The following ASB7 variants were observed in gnomAD, a reference collection of about 807,000 sequenced individuals.
ASB7 encodes ankyrin repeat and SOCS box protein 7.
Under a neutral mutation model 32.5 loss-of-function variants are expected in ASB7, and 4 were observed. The ratio of observed to expected loss-of-function variants is 0.12; its 90% CI spans 0.06 to 0.28. The LOEUF (loss-of-function observed/expected upper bound fraction) is 0.28. Among genes scored for constraint, ASB7 ranks in the 10% least tolerant of loss-of-function variants. ASB7 has a pLI of 1.00. For synonymous variants in ASB7, 172 were observed against 155.6 expected, an observed-to-expected ratio of 1.11 and a Z score of -0.78; for missense variants, 181 against 407.1, an observed-to-expected ratio of 0.44 and a Z score of 4.78.
At chr15:100,635,252 C>A (rs1367909423) in intron 5 of ASB7, among the ~76,000 whole-genome samples, 1 of 152,180 alleles carries the variant, frequency 6.6e-6, no homozygotes, top group Non-Finnish European at 1.5e-5. Context: ...CAATTACCAT[C>A]TAATAATTTC....
chr15:100,633,570 T>A (rs915863616), intron 5 of ASB7, among the ~76,000 whole-genome samples: 24 of 136,724 alleles, frequency 1.8e-4, no homozygotes, highest in African/African-American at 6.4e-4. Context: ...AGAGTGAAAC[T>A]CTCTCAAGAA....
intron 4 of ASB7, among the ~76,000 whole-genome samples, chr15:100,626,627 C>G (rs2141397988): frequency 6.6e-6 from 1 of 152,242 alleles, no homozygotes; most frequent in South Asian, 2.1e-4. Flanking sequence ...CTCCTTCTCT[C>G]TCTGTCTCTC....
chr15:100,646,928 C>G (rs908899325), intron 5 of ASB7, among the ~76,000 whole-genome samples: 7 of 152,166 alleles, frequency 4.6e-5, no homozygotes, highest in African/African-American at 1.7e-4. Context: ...TGACTTATCT[C>G]AACAGATTGA....
intron 2 of ASB7, among the ~76,000 whole-genome samples, chr15:100,607,142 C>T (rs990574432): frequency 3.4e-5 from 5 of 149,132 alleles, no homozygotes; most frequent in African/African-American, 1.2e-4. Context: ...ATAGAGCGAG[C>T]CTCCGTCTCA....
At chr15:100,611,506 A>ATTTT (rs1432425863) in intron 3 of ASB7, among the ~76,000 whole-genome samples, 3 of 9,284 alleles carry the variant, frequency 3.2e-4, no homozygotes, top group South Asian at 6.0e-3. Context: ...TTGAGACAGA[A>ATTTT]TTTCACTCTC....
intron 4 of ASB7, among the ~76,000 whole-genome samples, chr15:100,626,911 A>G (rs1374602941): frequency 6.6e-6 from 1 of 152,170 alleles, no homozygotes; most frequent in Non-Finnish European, 1.5e-5. Flanking sequence ...TTTTTTGACC[A>G]GTGGTTTGCC....
chr15:100,645,467 C>T, intron 5 of ASB7: 2 of 505,454 alleles, frequency 4.0e-6, no homozygotes, highest in South Asian at 1.8e-5. Flanking sequence ...ATTATCTGCT[C>T]CTCCACTCGG....
rs1322609914 is a variant in ASB7 at position 100,651,114 on chromosome 15, C to T, written c.*2652C>T. ...TAAACCTTTATAAAAATATATTTGG[C>T]AAATACACCAAAGAAACCAGCTTAC... On this transcript the variant is annotated 3_prime_UTR_variant, in exon 6 of 6. Transcript: ENST00000332783. The T allele has an allele frequency of 2.6e-5, 4 of 151,626 alleles. No homozygotes were observed. The highest frequency in any genetic ancestry group is 7.3e-5 in the African/African-American group (3 of 41,260). 9.4% of individuals were successfully genotyped at this position (151,626 alleles called of 1,614,324 possible). A position where few individuals can be genotyped will look rare whatever the true frequency, so the allele number is the denominator to read the frequency against.
At position 100,642,059 on chromosome 15, in the gene ASB7, T is replaced by G. The variant is rs570291672; in HGVS notation, c.818-6264T>G. 3.3e-5 allele frequency among the ~76,000 whole-genome samples: 5 copies of G among 152,268 alleles called. 1 individual carries two copies. Among genetic ancestry groups the G allele is most frequent in the African/African-American group, 1.2e-4 (5 of 41,548 alleles). On this transcript the variant is annotated intron_variant, in intron 5 of 5. Transcript: ENST00000332783. ...AAATTCTGCAGACAGGAGGTACACA[T>G]GGTCAAGAAACCTTTAAAAGGTCAG...
intron 5 of ASB7, among the ~76,000 whole-genome samples, chr15:100,632,042 G>C (rs1462586291): frequency 6.6e-6 from 1 of 152,254 alleles, no homozygotes; most frequent in Non-Finnish European, 1.5e-5. Context: ...AAGCACGTGG[G>C]CGGCTGCCGT....
chr15:100,617,496 C>G (rs2039753920), intron 4 of ASB7, among the ~76,000 whole-genome samples: 1 of 152,184 alleles, frequency 6.6e-6, no homozygotes, highest in Non-Finnish European at 1.5e-5. Flanking sequence ...TCACCTTGCT[C>G]TGCCTGCTTC....
rs368293131 is a variant in ASB7 at position 100,627,864 on chromosome 15, GTAGATTTCACGCC to G, written c.212-1571_212-1559del. Reference sequence around the variant, plus strand: ...TTTCATTTGAATGGGAGGGCATCTTGTAGATTTCACGCCTGACTTTGAACTTCTGGTAAGCGAT... The same window carrying G: ...TTTCATTTGAATGGGAGGGCATCTTGTGACTTTGAACTTCTGGTAAGCGAT... On this transcript the variant is annotated intron_variant, in intron 4 of 5. Transcript: ENST00000332783. Among the ~76,000 whole-genome samples, 721 of 152,330 alleles carry G rather than the reference GTAGATTTCACGCC, an allele frequency of 4.7e-3. 2 individuals are homozygous for G. Among genetic ancestry groups the G allele is most frequent in the African/African-American group, 0.016 (684 of 41,574 alleles).
intron 5 of ASB7, chr15:100,645,755 A>G: frequency 1.3e-6 from 2 of 1,585,200 alleles, no homozygotes; most frequent in Non-Finnish European, 1.7e-6. Flanking sequence ...ACATTTACAA[A>G]GTGGAGAATA....
intron 5 of ASB7, among the ~76,000 whole-genome samples, chr15:100,639,192 GA>G (rs1452254673): frequency 6.6e-6 from 1 of 152,186 alleles, no homozygotes; most frequent in African/African-American, 2.4e-5. Flanking sequence ...AAGTAGATGG[GA>G]ATTGAGTTGT....
At chr15:100,622,643 G>A (rs1485723267) in intron 4 of ASB7, among the ~76,000 whole-genome samples, 4 of 152,070 alleles carry the variant, frequency 2.6e-5, no homozygotes, top group Non-Finnish European at 4.4e-5. Flanking sequence ...AGAAATCTAC[G>A]TATTTTTAGT....
At chr15:100,631,889 G>A (rs371523683) in intron 5 of ASB7, among the ~76,000 whole-genome samples, 14 of 152,352 alleles carry the variant, frequency 9.2e-5, no homozygotes, top group African/African-American at 3.1e-4. Flanking sequence ...GATTAACAGC[G>A]AGGACTGGCT....
At chr15:100,645,577 G>T (rs2039992219) in intron 5 of ASB7, 4 of 707,878 alleles carry the variant, frequency 5.7e-6, no homozygotes, top group South Asian at 1.4e-5. Context: ...CCCACAGCTT[G>T]ACGGTGTTAT....
At position 100,650,813 on chromosome 15, in the gene ASB7, T is replaced by C. The variant is rs2040026925; in HGVS notation, c.*2351T>C. The C allele has an allele frequency of 6.6e-6, 1 of 152,230 alleles. No individual in the cohort carries two copies. Among genetic ancestry groups the C allele is most frequent in the Non-Finnish European group, 1.5e-5 (1 of 68,046 alleles). 9.4% of individuals were successfully genotyped at this position (152,230 alleles called of 1,614,324 possible). On this transcript the variant is annotated 3_prime_UTR_variant, in exon 6 of 6. Transcript: ENST00000332783. The stretch of plus-strand genomic sequence containing the variant: ...GGAAGCTTAAAAAGAATGTTTTATT[T>C]TTGTTGTTAATAAAATCCCAATCAC...
chr15:100,621,809 TA>T (rs1407458056), intron 4 of ASB7, among the ~76,000 whole-genome samples: 7 of 149,222 alleles, frequency 4.7e-5, no homozygotes, highest in Admixed American at 3.3e-4. Context: ...AAAAAACAAA[TA>T]AGGATTCTTT....
Sources: allele counts gnomAD v4.1 joint callset (sites outside exome capture counted in the v4.1 genomes callset), GRCh38; gene constraint gnomAD v4.1.1; transcripts MANE v1.5; gene names NCBI Gene and HGNC (gene_info 2026-07-23, HGNC 2026-07-21).